PTPN14: variants seen among roughly 807,000 people sequenced by gnomAD.
PTPN14 encodes the protein protein tyrosine phosphatase non-receptor type 14.
PTPN14 carries 53 observed loss-of-function variants against 126.8 expected under a neutral mutation model. The ratio of observed to expected loss-of-function variants is 0.42; its 90% CI spans 0.34 to 0.53. The LOEUF (loss-of-function observed/expected upper bound fraction) is 0.53, where lower values mean the gene tolerates loss of function less well. Ranked by LOEUF, PTPN14 falls within the 20% of genes least tolerant of loss-of-function variation. The pLI is 0.08. For synonymous variants in PTPN14, 630 were observed against 599.3 expected (o/e 1.05, Z -0.75); for missense variants, 1,257 against 1,552.9 (o/e 0.81, Z 3.20).
At chr1:214,512,584 G>A (rs1271638833) in intron 1 of PTPN14, among the ~76,000 whole-genome samples, 3 of 152,138 alleles carry the variant, frequency 2.0e-5, no homozygotes, top group African/African-American at 7.2e-5. Context: ...AATGGGTGGA[G>A]TTTCAGTTTT....
chr1:214,522,432 G>T lies in PTPN14; in HGVS notation c.-155+28751C>A, dbSNP rs139017325. ...AAAACAGTAACTTGCAAAATGGCCAGTCAACAAATAGCTAATTCAACTCAA... is the reference window on the plus strand; with the variant it reads ...AAAACAGTAACTTGCAAAATGGCCATTCAACAAATAGCTAATTCAACTCAA... On this transcript the variant is annotated intron_variant, in intron 1 of 18. Transcript: ENST00000366956. 5.2e-3 allele frequency among the ~76,000 whole-genome samples: 786 copies of T among 152,288 alleles called. 9 individuals are homozygous for T. The highest frequency in any genetic ancestry group is 0.018 in the African/African-American group (760 of 41,554).
intron 1 of PTPN14, among the ~76,000 whole-genome samples, chr1:214,477,598 C>T (rs1186490013): frequency 1.3e-5 from 2 of 152,170 alleles, no homozygotes; most frequent in African/African-American, 4.8e-5. Flanking sequence ...CTGTTACCAT[C>T]GGTGACCTCA....
chr1:214,467,475 C>T (rs1660665942), intron 1 of PTPN14, among the ~76,000 whole-genome samples: 3 of 152,184 alleles, frequency 2.0e-5, no homozygotes, highest in Non-Finnish European at 4.4e-5. Context: ...ATCTCTACTA[C>T]ATATTCTATG....
chr1:214,436,468 C>T (rs146577623), intron 3 of PTPN14, among the ~76,000 whole-genome samples: 352 of 152,238 alleles, frequency 2.3e-3, no homozygotes, highest in Middle Eastern at 0.01. Flanking sequence ...TATTTTGAAA[C>T]CATATTTTTT....
In PTPN14 at chr1:214,439,616, G is replaced by A. The variant is rs1659994064; in HGVS notation, c.344+12189C>T. Among the ~76,000 whole-genome samples the A allele has an allele frequency of 2.0e-5, 3 of 152,156 alleles. No homozygotes were observed. The South Asian group carries it at 6.2e-4, about 32-fold the overall frequency. On this transcript the variant is annotated intron_variant, in intron 3 of 18. Transcript: ENST00000366956. ...ACGAGCTGACCTTGAGAGTTAGGAG[G>A]CTGTAAACCGAAACATGTTGCAACA...
chr1:214,495,854 C>T (rs1188158880), intron 1 of PTPN14, among the ~76,000 whole-genome samples: 1 of 152,026 alleles, frequency 6.6e-6, no homozygotes, highest in Non-Finnish European at 1.5e-5. Context: ...GCCACCATGC[C>T]CAGCTAATTT....
intron 1 of PTPN14, among the ~76,000 whole-genome samples, chr1:214,480,310 A>G (rs1328789859): frequency 2.0e-5 from 3 of 152,270 alleles, no homozygotes; most frequent in African/African-American, 7.2e-5. Context: ...GATGACTGAA[A>G]CAATATGTTT....
At chr1:214,400,026 T>C (rs534912735) in intron 7 of PTPN14, among the ~76,000 whole-genome samples, 185 of 124,748 alleles carry the variant, frequency 1.5e-3, no homozygotes, top group African/African-American at 5.9e-3. Flanking sequence ...CTGTACAACA[T>C]CTGCATCTGC....
chr1:214,489,519 C>A (rs894572779), intron 1 of PTPN14, among the ~76,000 whole-genome samples: 1 of 152,146 alleles, frequency 6.6e-6, no homozygotes, highest in African/African-American at 2.4e-5. Flanking sequence ...TCTTTCAGAA[C>A]GCGTTTGGAG....
Position 214,493,549 on chromosome 1 carries a change from TA to T in PTPN14, c.-154-28593del, listed in dbSNP as rs536246341. ...ACAAAAATTAAAAATAAAAAAGTATTAAAAAAAGAAATGAATTAGGCAATCA... is the reference window on the plus strand; with the variant it reads ...ACAAAAATTAAAAATAAAAAAGTATTAAAAAAGAAATGAATTAGGCAATCA... On this transcript the variant is annotated intron_variant, in intron 1 of 18. Coordinates refer to ENST00000366956, the MANE Select transcript of PTPN14 (RefSeq NM_005401.5). 3.4e-3 allele frequency among the ~76,000 whole-genome samples: 512 copies of T among 152,020 alleles called. 2 individuals carry two copies. The highest frequency in any genetic ancestry group is 0.012 in the African/African-American group (502 of 41,452).
chr1:214,436,375 C>T (rs1287189248), intron 3 of PTPN14, among the ~76,000 whole-genome samples: 3 of 151,564 alleles, frequency 2.0e-5, no homozygotes, highest in Non-Finnish European at 4.4e-5. Context: ...CAAACCCACA[C>T]GTATACCCCT....
At position 214,464,938 on chromosome 1, in the gene PTPN14, T is replaced by A; in HGVS notation, c.-135A>T. On this transcript the variant is annotated 5_prime_UTR_variant, in exon 2 of 19. Transcript: ENST00000366956. ...CAGGGAAAAGGGTGTCCATGCCCAG[T>A]GTGGCCCTCTGGAAGATAGCTGTAA... 9.4e-7 allele frequency: 1 copy of A among 1,062,988 alleles called. No individual in the cohort carries two copies. Among genetic ancestry groups the A allele is most frequent in the Non-Finnish European group, 1.3e-6 (1 of 750,036 alleles). 65.8% of individuals were successfully genotyped at this position (1,062,988 alleles called of 1,614,324 possible). A position where few individuals can be genotyped will look rare whatever the true frequency, so the allele number is the denominator to read the frequency against.
chr1:214,384,657 A>G lies in PTPN14; in HGVS notation c.1198T>C (p.Ser400Pro). The change falls in exon 13 of 19, where the codon TCG becomes CCG. Residue 400 changes from serine (S) to proline (P), a missense_variant. Transcript: ENST00000366956. This position sits in a 1 kb window ranked among gnomAD's most constrained non-coding sequence, Gnocchi z 5.3. ...GGGGAGGCCTGGATGAAACTTTGCG[A>G]GCAGTTGAGGGAGTTGACGCTGTGA... The part of the protein sequence containing the change: ...SVHSVNSLNC[S>P]QSFIQASPVS... 1 of 1,614,068 alleles carries G rather than the reference A, an allele frequency of 6.2e-7. No homozygotes were observed. Among genetic ancestry groups the G allele is most frequent in the Non-Finnish European group, 8.5e-7 (1 of 1,180,016 alleles).
At chr1:214,455,784 C>T (rs75395921) in intron 2 of PTPN14, among the ~76,000 whole-genome samples, 2,747 of 152,260 alleles carry the variant, frequency 0.018, 78 homozygotes, top group African/African-American at 0.058. Context: ...ACTAAAAAAT[C>T]GGCTAGTTTC....
At chr1:214,424,722 T>G (rs1659622165) in intron 3 of PTPN14, among the ~76,000 whole-genome samples, 1 of 152,228 alleles carries the variant, frequency 6.6e-6, no homozygotes, top group Non-Finnish European at 1.5e-5. Flanking sequence ...TTATTTTTGG[T>G]ATTTTTAGTA....
In PTPN14 at chr1:214,525,216, T is replaced by C. The variant is rs180889942; in HGVS notation, c.-155+25967A>G. The stretch of plus-strand genomic sequence containing the variant: ...GGCAGTGGAGGTACAACAGAATATG[T>C]ATCTTTTTCCACAGTGGAGCAAAAC... On this transcript the variant is annotated intron_variant, in intron 1 of 18. Transcript: ENST00000366956. Among the ~76,000 whole-genome samples the C allele has an allele frequency of 4.3e-3, 652 of 152,342 alleles. 1 individual carries two copies. Among genetic ancestry groups the C allele is most frequent in the Non-Finnish European group, 7.7e-3 (521 of 68,036 alleles).
intron 2 of PTPN14, among the ~76,000 whole-genome samples, chr1:214,455,329 G>A (rs760563581): frequency 2.6e-5 from 4 of 152,174 alleles, no homozygotes; most frequent in Non-Finnish European, 5.9e-5. Flanking sequence ...GTTGAAGAAA[G>A]CATGGTGGAT....
intron 1 of PTPN14, among the ~76,000 whole-genome samples, chr1:214,507,475 T>C (rs17023117): frequency 0.12 from 18,286 of 152,234 alleles, 1,236 homozygotes; most frequent in East Asian, 0.24. Flanking sequence ...CCTGAGTCAG[T>C]ATAGCTCATC....
At chr1:214,405,225 C>A (rs1248032707) in intron 5 of PTPN14, among the ~76,000 whole-genome samples, 1 of 152,184 alleles carries the variant, frequency 6.6e-6, no homozygotes, top group African/African-American at 2.4e-5. Flanking sequence ...CTCTCCCCAG[C>A]TGGACGTAAG....
Sources: gnomAD v4.1 joint callset for allele counts (sites outside exome capture counted in the v4.1 genomes callset) on GRCh38, gnomAD v4.1.1 for gene constraint, Gnocchi (gnomAD v3.1) non-coding constraint, MANE v1.5 for transcripts, NCBI Gene and HGNC (gene_info 2026-07-23, HGNC 2026-07-21) for gene names.